The following SEMA6D variants were observed in gnomAD, a reference collection of about 807,000 sequenced individuals.
SEMA6D encodes the protein semaphorin-6D.
SEMA6D carries 35 observed loss-of-function variants against 106.6 expected under a neutral mutation model. The ratio of observed to expected loss-of-function variants is 0.33; its 90% CI spans 0.25 to 0.44. SEMA6D has a LOEUF of 0.44. Ranked by LOEUF, SEMA6D falls within the 20% of genes least tolerant of loss-of-function variation. The pLI, the probability that SEMA6D is intolerant of heterozygous loss-of-function variation, is 1.00. For missense variants in SEMA6D, 1,185 were observed against 1,345.9 expected, an observed-to-expected ratio of 0.88 and a Z score of 1.87; for synonymous variants, 499 against 487.7, an observed-to-expected ratio of 1.02 and a Z score of -0.31.
At chr15:47,392,203 AC>A (rs1295781530) in intron 1 of SEMA6D, among the ~76,000 whole-genome samples, 1 of 152,180 alleles carries the variant, frequency 6.6e-6, no homozygotes, top group Non-Finnish European at 1.5e-5. Flanking sequence ...ATGGCACATA[AC>A]TAGTACCATT....
intron 3 of SEMA6D, among the ~76,000 whole-genome samples, chr15:47,506,599 A>ACACACACACACACAC (rs1555382656): frequency 1.7e-4 from 23 of 137,894 alleles, no homozygotes; most frequent in African/African-American, 5.8e-4. Flanking sequence ...CACACACACA[A>ACACACACACACACAC]ACACACACAC....
intron 1 of SEMA6D, among the ~76,000 whole-genome samples, chr15:47,230,533 A>G (rs1235107719): frequency 6.6e-6 from 1 of 151,920 alleles, no homozygotes; most frequent in Non-Finnish European, 1.5e-5. Context: ...GTGCCCTATA[A>G]GTAGCTGGCT....
Position 47,388,145 on chromosome 15 carries a change from T to C in SEMA6D, c.-238-24248T>C, listed in dbSNP as rs533992150. Among the ~76,000 whole-genome samples, 9 of 152,230 alleles carry C rather than the reference T, an allele frequency of 5.9e-5. No homozygotes were observed. In the South Asian group the frequency reaches 1.2e-3, roughly 21 times the overall value. On this transcript the variant is annotated intron_variant, in intron 1 of 19. Transcript: ENST00000558014. Reference sequence around the variant, plus strand: ...ATAGAATATGCACAACCTTAAAAAATTGAAAGTGGTAGAGAAGGTTGTTAA... The same window carrying C: ...ATAGAATATGCACAACCTTAAAAAACTGAAAGTGGTAGAGAAGGTTGTTAA...
At chr15:47,199,361 G>A (rs567555621) in intron 1 of SEMA6D, among the ~76,000 whole-genome samples, 4 of 152,250 alleles carry the variant, frequency 2.6e-5, no homozygotes, top group South Asian at 4.1e-4. Context: ...TTGCTGAGTA[G>A]TCTTGCTGGG....
intron 1 of SEMA6D, among the ~76,000 whole-genome samples, chr15:47,256,619 G>C (rs929495178): frequency 6.6e-6 from 1 of 152,140 alleles, no homozygotes; most frequent in Admixed American, 6.5e-5. Flanking sequence ...TCAGCACTTC[G>C]GGAGGCCGAG....
intron 18 of SEMA6D, among the ~76,000 whole-genome samples, chr15:47,769,791 C>G (rs1453089019): frequency 6.6e-6 from 1 of 151,756 alleles, no homozygotes; most frequent in Non-Finnish European, 1.5e-5. Flanking sequence ...TTTTCTAGGT[C>G]TAATTTAAAT....
intron 3 of SEMA6D, among the ~76,000 whole-genome samples, chr15:47,538,458 C>T (rs563054916): frequency 6.6e-6 from 1 of 152,254 alleles, no homozygotes; most frequent in South Asian, 2.1e-4. Flanking sequence ...TCTTGTATCT[C>T]TTTGAGTTAA....
intron 2 of SEMA6D, among the ~76,000 whole-genome samples, chr15:47,442,234 A>T (rs933497528): frequency 1.3e-5 from 2 of 152,150 alleles, no homozygotes; most frequent in South Asian, 4.1e-4. Context: ...CACTATTTCC[A>T]AGATGTGTGA....
intron 1 of SEMA6D, among the ~76,000 whole-genome samples, chr15:47,367,724 ACACAG>A (rs2039112428): frequency 4.5e-5 from 1 of 22,338 alleles, no homozygotes; most frequent in Non-Finnish European, 1.6e-4. Flanking sequence ...ACACACACAC[ACACAG>A]AGAGAGAGAA....
chr15:47,327,607 A>G (rs2037180989), intron 1 of SEMA6D, among the ~76,000 whole-genome samples: 1 of 152,346 alleles, frequency 6.6e-6, no homozygotes. Context: ...TATAAGTAGA[A>G]AATATAAAAA....
chr15:47,243,823 CA>C (rs1337997349), intron 1 of SEMA6D, among the ~76,000 whole-genome samples: 3 of 152,072 alleles, frequency 2.0e-5, no homozygotes, highest in Non-Finnish European at 4.4e-5. Flanking sequence ...GACAGAATTT[CA>C]TTAATCCGCT....
chr15:47,508,644 A>G (rs1265034278), intron 3 of SEMA6D, among the ~76,000 whole-genome samples: 1 of 152,248 alleles, frequency 6.6e-6, no homozygotes, highest in Non-Finnish European at 1.5e-5. Flanking sequence ...GACAGATGAG[A>G]AGAAGGCATA....
At chr15:47,365,856 AT>A (rs2079687266) in intron 1 of SEMA6D, among the ~76,000 whole-genome samples, 1 of 148,274 alleles carries the variant, frequency 6.7e-6, no homozygotes, top group Non-Finnish European at 1.5e-5. Flanking sequence ...GCAAGACTCC[AT>A]CTCAAAGAAA....
chr15:47,769,109 G>A (rs193178763), intron 18 of SEMA6D, among the ~76,000 whole-genome samples: 19 of 152,308 alleles, frequency 1.2e-4, no homozygotes, highest in African/African-American at 3.8e-4. Flanking sequence ...GATATCAGAT[G>A]TTTTGTCTAG....
At chr15:47,754,204 C>T (rs1020237921) in intron 1 of SEMA6D, among the ~76,000 whole-genome samples, 5 of 152,072 alleles carry the variant, frequency 3.3e-5, no homozygotes, top group Non-Finnish European at 7.4e-5. Flanking sequence ...CCAGCCTAGG[C>T]GACATAGTGA....
intron 4 of SEMA6D, among the ~76,000 whole-genome samples, chr15:47,693,836 A>C (rs1285806974): frequency 6.6e-6 from 1 of 152,070 alleles, no homozygotes; most frequent in African/African-American, 2.4e-5. Context: ...GCTACTTGGG[A>C]GGCTGAGTTA....
At chr15:47,435,256 G>A (rs2041664657) in intron 2 of SEMA6D, among the ~76,000 whole-genome samples, 1 of 152,096 alleles carries the variant, frequency 6.6e-6, no homozygotes, top group African/African-American at 2.4e-5. Context: ...GAATTCCTGT[G>A]AGGTTGCTAT....
chr15:47,674,495 C>A (rs2078203342), intron 4 of SEMA6D, among the ~76,000 whole-genome samples: 1 of 152,196 alleles, frequency 6.6e-6, no homozygotes, highest in Non-Finnish European at 1.5e-5. Context: ...AAGAGGATAA[C>A]TTGAAATTTC....
At chr15:47,546,037 C>T (rs2045511784) in intron 3 of SEMA6D, among the ~76,000 whole-genome samples, 1 of 152,128 alleles carries the variant, frequency 6.6e-6, no homozygotes, top group South Asian at 2.1e-4. Context: ...CAGGGACACA[C>T]ACTCGCTAGA....
Sources: allele counts gnomAD v4.1 joint callset (sites outside exome capture counted in the v4.1 genomes callset), GRCh38; gene constraint gnomAD v4.1.1; transcripts MANE v1.5; gene names NCBI Gene and HGNC (gene_info 2026-07-23, HGNC 2026-07-21).